Variants in DDX11 observed in about 807,000 individuals in gnomAD.
DDX11 encodes the protein DEAD/H-box helicase 11.
In DDX11, 72 loss-of-function variants were observed where a neutral mutation model predicts 125.2. The observed-to-expected ratio is 0.58, with a 90% CI of 0.48 to 0.70. The LOEUF (loss-of-function observed/expected upper bound fraction) is 0.70, where lower values mean the gene tolerates loss of function less well. Ranked by LOEUF, DDX11 falls within the 30% of genes least tolerant of loss-of-function variation. DDX11 has a pLI of 0.00. For synonymous variants in DDX11, 347 were observed against 452.6 expected (o/e 0.77, Z 2.96); for missense variants, 883 against 1,165.0 (o/e 0.76, Z 3.52).
At chr12:31,082,589 G>C (rs1942181877) in intron 2 of DDX11, among the ~76,000 whole-genome samples, 2 of 152,164 alleles carry the variant, frequency 1.3e-5, no homozygotes, top group East Asian at 1.9e-4. Context: ...TCAGAGAGCT[G>C]ACTGCCTGGA....
intron 16 of DDX11, 22 bp downstream of exon 16, chr12:31,096,767 G>A: frequency 1.2e-6 from 2 of 1,614,206 alleles, no homozygotes; most frequent in Non-Finnish European, 1.7e-6. Flanking sequence ...GGGTGGGCAG[G>A]CAGAGCCGGC....
rs1394265356 is a variant in DDX11 at position 31,104,023 on chromosome 12, A to G, written c.*187A>G. 1.3e-6 allele frequency: 2 copies of G among 1,552,552 alleles called. No individual in the cohort carries two copies. The highest frequency in any genetic ancestry group is 1.7e-6 in the Non-Finnish European group (2 of 1,147,816). On this transcript the variant is annotated 3_prime_UTR_variant, in exon 27 of 27. Transcript: ENST00000542838. ...AGCTCCCGTAGGAGAAAATGGGGGA[A>G]TCCTGAATGAACAGTGGGTCCTGGC...
chr12:31,093,129 G>A, intron 11 of DDX11, 116 bp from the exon 12 acceptor site: 1 of 1,223,852 alleles, frequency 8.2e-7, no homozygotes, highest in Admixed American at 2.0e-5. Context: ...TCTGGGAAAG[G>A]ATTTGTAGCT....
At chr12:31,075,126 G>A (rs570330057) in intron 1 of DDX11, among the ~76,000 whole-genome samples, 10 of 152,266 alleles carry the variant, frequency 6.6e-5, no homozygotes, top group Admixed American at 6.5e-4. Context: ...GGAGGTGATG[G>A]TTGTCCTCCA....
intron 18 of DDX11, among the ~76,000 whole-genome samples, chr12:31,099,328 C>T (rs1451448947): frequency 6.6e-6 from 1 of 152,000 alleles, no homozygotes; most frequent in Non-Finnish European, 1.5e-5. Context: ...ATCCGCCAGC[C>T]TTGGCATCCC....
In DDX11 at chr12:31,074,004, A is replaced by AGGACGAGGAGCAGCG. The variant is rs537926875; in HGVS notation, c.-82_-68dup. 5.4e-3 allele frequency: 824 copies of AGGACGAGGAGCAGCG among 152,454 alleles called. 5 individuals carry two copies. Among genetic ancestry groups the AGGACGAGGAGCAGCG allele is most frequent in the African/African-American group, 0.019 (780 of 41,576 alleles). The allele number at this position is 152,454 out of a possible 1,614,324, so 9.4% of individuals were successfully genotyped here. A position where few individuals can be genotyped will look rare whatever the true frequency, so the allele number is the denominator to read the frequency against. On this transcript the variant is annotated 5_prime_UTR_variant, in exon 1 of 27. Coordinates refer to ENST00000542838, the MANE Select transcript of DDX11 (RefSeq NM_030653.4). Reference sequence around the variant, plus strand: ...GTGCTGTGTGGCAGCAGAGCTCCTTAGGACGAGGAGCAGCGGGACGAGGAA... The same window carrying AGGACGAGGAGCAGCG: ...GTGCTGTGTGGCAGCAGAGCTCCTTAGGACGAGGAGCAGCGGGACGAGGAGCAGCGGGACGAGGAA...
chr12:31,084,162 C>T (rs1942582490), intron 3 of DDX11, 101 bp downstream of exon 3: 5 of 1,510,432 alleles, frequency 3.3e-6, no homozygotes, highest in Non-Finnish European at 4.6e-6. Context: ...TGCTCCCCTG[C>T]CGTTGCCGTG....
At chr12:31,081,802 G>A (rs1463287401) in intron 2 of DDX11, among the ~76,000 whole-genome samples, 1 of 103,772 alleles carries the variant, frequency 9.6e-6, no homozygotes. Context: ...ATTACACGAT[G>A]TAGAAAACAG....
rs370619540 is a variant in DDX11, at chr12:31,102,420, C to T, written c.2272-7C>T. 6 of 1,613,664 alleles carry T rather than the reference C, an allele frequency of 3.7e-6. No individual in the cohort carries two copies. The highest frequency in any genetic ancestry group is 1.6e-4 in the Middle Eastern group (1 of 6,084). On this transcript the variant is annotated splice_region_variant and splice_polypyrimidine_tract_variant and intron_variant, in intron 22 of 26. Transcript: ENST00000542838. ...TCAGCAACTCAGCGTCTGGGTTTCT[C>T]CTACAGGCCTGTGGCCAGGAGAGAG... is the stretch of plus-strand genomic sequence containing the variant.
rs373493350 is a variant in DDX11 at position 31,101,170 on chromosome 12, A to C, written c.2052+40A>C. 221 of 1,582,838 alleles carry C rather than the reference A, an allele frequency of 1.4e-4. No homozygotes were observed. The African/African-American group carries it at 2.5e-3, about 18-fold the overall frequency. On this transcript the variant is annotated intron_variant, in intron 20 of 26. Coordinates refer to ENST00000542838, the MANE Select transcript of DDX11 (RefSeq NM_030653.4). Reference sequence around the variant, plus strand: ...GCTCGCCGCACCACAGCCTGGCCTCAGGCAGCAAAGGGTTTTCTGGGGCAG... The same window carrying C: ...GCTCGCCGCACCACAGCCTGGCCTCCGGCAGCAAAGGGTTTTCTGGGGCAG...
chr12:31,093,315 G>A lies in DDX11; in HGVS notation c.1360G>A (p.Val454Met). The A allele has an allele frequency of 6.2e-7, 1 of 1,613,812 alleles. No individual in the cohort carries two copies. Among genetic ancestry groups the A allele is most frequent in the Non-Finnish European group, 8.5e-7 (1 of 1,179,804 alleles). The change falls in exon 12 of 27, where the codon GTG (valine) becomes ATG (methionine). Residue 454 changes from valine to methionine, a missense_variant. By Grantham distance (21) the Val-to-Met change is conservative (BLOSUM62 1). Coordinates refer to ENST00000542838, the MANE Select transcript of DDX11 (RefSeq NM_030653.4). ...GTATTTGCTGGAGAAATTCGTGGCT[G>A]TGCTAGGGGGTGAGAGCCTCGTCCC... ...ILYLLEKFVA[V>M]LGGNIKQNPN...
intron 17 of DDX11, among the ~76,000 whole-genome samples, 193 bp from the exon 18 acceptor site, chr12:31,097,692 A>G (rs1945547935): frequency 1.3e-5 from 2 of 151,638 alleles, no homozygotes; most frequent in African/African-American, 2.4e-5. Context: ...AAAAAAAAAA[A>G]AAAAAGGATG....
At chr12:31,088,970 C>T (rs556432006) in intron 6 of DDX11, 74 bp from the exon 7 acceptor site, 3 of 1,210,452 alleles carry the variant, frequency 2.5e-6, no homozygotes, top group African/African-American at 1.5e-5. Context: ...CAGGCCCTGG[C>T]GTGCCTTGAT....
chr12:31,075,317 T>C (rs1317243611), intron 1 of DDX11, among the ~76,000 whole-genome samples: 1 of 151,992 alleles, frequency 6.6e-6, no homozygotes, highest in Non-Finnish European at 1.5e-5. Flanking sequence ...TCTTCTGTAT[T>C]GTTTAGTGTT....
At chr12:31,079,868 C>T (rs1405757430) in intron 2 of DDX11, among the ~76,000 whole-genome samples, 3 of 151,716 alleles carry the variant, frequency 2.0e-5, no homozygotes, top group African/African-American at 7.3e-5. Context: ...CAATTCAGTC[C>T]ACAGCAGTGA....
intron 5 of DDX11, among the ~76,000 whole-genome samples, chr12:31,085,417 CCT>C (rs1450341667): frequency 6.6e-6 from 1 of 152,238 alleles, no homozygotes; most frequent in East Asian, 1.9e-4. Flanking sequence ...AGGAGAGACT[CCT>C]TGGCTGAGGC....
chr12:31,098,798 G>A, intron 18 of DDX11, among the ~76,000 whole-genome samples: 1 of 152,130 alleles, frequency 6.6e-6, no homozygotes, highest in East Asian at 1.9e-4. Flanking sequence ...TATTGTTTCT[G>A]ACGTTCACAT....
chr12:31,076,375 T>G (rs1940721170), intron 1 of DDX11, among the ~76,000 whole-genome samples: 2 of 152,298 alleles, frequency 1.3e-5, no homozygotes, highest in South Asian at 4.1e-4. Context: ...CCGAGCTGCC[T>G]TGCAGCTTGT....
intron 1 of DDX11, chr12:31,078,169 C>T (rs780860552): frequency 6.7e-7 from 1 of 1,482,508 alleles, no homozygotes; most frequent in South Asian, 1.2e-5. Flanking sequence ...GGTCTGCATT[C>T]TGCTACAGCC....
Sources: gnomAD v4.1 joint callset for allele counts (sites outside exome capture counted in the v4.1 genomes callset) on GRCh38, gnomAD v4.1.1 for gene constraint, MANE v1.5 for transcripts, NCBI Gene and HGNC (gene_info 2026-07-23, HGNC 2026-07-21) for gene names.